The following PPM1A variants were observed in gnomAD, a reference collection of about 807,000 sequenced individuals.
The protein encoded by PPM1A is protein phosphatase, Mg2+/Mn2+ dependent 1A, also known as protein phosphatase 1A.
PPM1A carries 7 observed loss-of-function variants against 35.0 expected under a neutral mutation model. The observed-to-expected ratio is 0.20, with a 90% CI of 0.11 to 0.38. The LOEUF is 0.38. PPM1A is among the 10% of genes least tolerant of loss of function. The pLI is 1.00. For missense variants in PPM1A, 239 were observed against 467.8 expected (o/e 0.51, Z 4.51); for synonymous variants, 153 against 167.3 (o/e 0.91, Z 0.66).
At chr14:60,247,232 A>C (rs1381609727), upstream of PPM1A, among the ~76,000 whole-genome samples, 1 of 152,114 alleles carries the variant, frequency 6.6e-6, no homozygotes, top group African/African-American at 2.4e-5. Context: ...GGTCGGGGAG[A>C]TATGTGGAGA....
Position 60,292,657 on chromosome 14 carries a change from T to G in PPM1A, c.*175T>G. 2.3e-6 allele frequency: 1 copy of G among 430,448 alleles called. No individual in the cohort carries two copies. Among genetic ancestry groups the G allele is most frequent in the Non-Finnish European group, 4.0e-6 (1 of 250,104 alleles). 26.7% of individuals were successfully genotyped at this position (430,448 alleles called of 1,614,324 possible). A position where few individuals can be genotyped will look rare whatever the true frequency, so the allele number is the denominator to read the frequency against. ...CAGCTAGCCCAGAACTGATTTTTTT[T>G]TTTTTTTTTGTAAATTTGAGACTTA... On this transcript the variant is annotated 3_prime_UTR_variant, in exon 6 of 6. Transcript: ENST00000395076. The surrounding 1 kb of genome is among the most constrained non-coding windows in gnomAD (Gnocchi z 4.2).
rs1362763270 is a variant in PPM1A, at chr14:60,298,432, T to TA, written c.*5952dup. 6.6e-6 allele frequency: 1 copy of TA among 151,760 alleles called. No individual in the cohort carries two copies. The highest frequency in any genetic ancestry group is 2.4e-5 in the African/African-American group (1 of 41,408). 9.4% of individuals were successfully genotyped at this position (151,760 alleles called of 1,614,324 possible). ...GACAACCACCACCAATGCACACAGT[T>TA]AATGAGATTTCTAAAATATAATAAG... On this transcript the variant is annotated 3_prime_UTR_variant, in exon 6 of 6. Coordinates refer to ENST00000395076, the MANE Select transcript of PPM1A (RefSeq NM_021003.5).
At chr14:60,256,258 A>C (rs1252950648) in intron 1 of PPM1A, among the ~76,000 whole-genome samples, 1 of 152,018 alleles carries the variant, frequency 6.6e-6, no homozygotes, top group Non-Finnish European at 1.5e-5. Context: ...GTCTCTACTA[A>C]AATACAAAAA....
chr14:60,262,709 C>G (rs1385018172), intron 1 of PPM1A, among the ~76,000 whole-genome samples: 1 of 151,896 alleles, frequency 6.6e-6, no homozygotes, highest in Non-Finnish European at 1.5e-5. Context: ...ACAAAAAAAC[C>G]CTTCTACCTC....
chr14:60,284,134 G>A (rs956858658), intron 2 of PPM1A, among the ~76,000 whole-genome samples: 3 of 152,164 alleles, frequency 2.0e-5, no homozygotes, highest in African/African-American at 7.2e-5. Flanking sequence ...CTTGTCTCAT[G>A]GCGTTGTCAG....
chr14:60,289,258 G>A lies in PPM1A; in HGVS notation c.953-548G>A, dbSNP rs1887367795. Among the ~76,000 whole-genome samples the A allele has an allele frequency of 6.6e-6, 1 of 152,080 alleles. No homozygotes were observed. The highest frequency in any genetic ancestry group is 1.5e-5 in the Non-Finnish European group (1 of 67,964). Reference sequence around the variant, plus strand: ...TTTAGAGAAGAATTAAACTGAGACAGTGATGTTCAAGTACATAATCTGTGC... The same window carrying A: ...TTTAGAGAAGAATTAAACTGAGACAATGATGTTCAAGTACATAATCTGTGC... On this transcript the variant is annotated intron_variant, in intron 3 of 5. Transcript: ENST00000395076. This position sits in a 1 kb window ranked among gnomAD's most constrained non-coding sequence, Gnocchi z 4.1.
chr14:60,291,142 A>G (rs1226068615), intron 4 of PPM1A, among the ~76,000 whole-genome samples: 1 of 151,846 alleles, frequency 6.6e-6, no homozygotes, highest in Admixed American at 6.6e-5. Context: ...CTTTTTTTTT[A>G]ATCTGTAATT....
At chr14:60,246,224 G>C (rs1436601359), upstream of PPM1A, among the ~76,000 whole-genome samples, 1 of 152,134 alleles carries the variant, frequency 6.6e-6, no homozygotes, top group Non-Finnish European at 1.5e-5. Flanking sequence ...TGCCTCAAGG[G>C]TGACTCTCCT....
intron 1 of PPM1A, among the ~76,000 whole-genome samples, chr14:60,278,806 G>A (rs1389641903): frequency 6.6e-6 from 1 of 152,104 alleles, no homozygotes; most frequent in Non-Finnish European, 1.5e-5. Context: ...TTGTTTTTTA[G>A]GAATATCTGT....
At chr14:60,247,370 C>A (rs1370844153), upstream of PPM1A, among the ~76,000 whole-genome samples, 1 of 152,088 alleles carries the variant, frequency 6.6e-6, no homozygotes, top group East Asian at 1.9e-4. Flanking sequence ...TGGCTCACGA[C>A]TGTAATCCCA....
chr14:60,298,657 T>C lies in PPM1A; in HGVS notation c.*6175T>C, dbSNP rs1396027912. The stretch of plus-strand genomic sequence containing the variant: ...CCCCAATAGTGATTGATTTCACTCT[T>C]GAAATGAGTTATATCACTTAATTTG... On this transcript the variant is annotated 3_prime_UTR_variant, in exon 6 of 6. Coordinates refer to ENST00000395076, the MANE Select transcript of PPM1A (RefSeq NM_021003.5). 1 of 151,942 alleles carries C rather than the reference T, an allele frequency of 6.6e-6. No homozygotes were observed. The highest frequency in any genetic ancestry group is 1.9e-4 in the East Asian group (1 of 5,188). The allele number at this position is 151,942 out of a possible 1,614,324, so 9.4% of individuals were successfully genotyped here.
At chr14:60,245,947 G>A (rs779637222), upstream of PPM1A, 61 of 1,578,810 alleles carry the variant, frequency 3.9e-5, no homozygotes, top group Admixed American at 1.9e-4. The surrounding 1 kb of genome is among the most constrained non-coding windows in gnomAD (Gnocchi z 4.2). Flanking sequence ...GGCAAAGAAG[G>A]CAAAAAGAGA....
chr14:60,283,123 T>C lies in PPM1A; in HGVS notation c.420T>C (p.Tyr140=), dbSNP rs1338340463. 5 of 1,614,104 alleles carry C rather than the reference T, an allele frequency of 3.1e-6. No individual in the cohort carries two copies. The African/African-American group carries it at 6.7e-5, about 22-fold the overall frequency. ...VGVLISPQHT[Y]FINCGDSRGL... ...TCTTAATTTCTCCCCAACATACTTATTTCATTAACTGTGGAGACTCAAGAG... is the reference window on the plus strand; with the variant it reads ...TCTTAATTTCTCCCCAACATACTTACTTCATTAACTGTGGAGACTCAAGAG... The change falls in exon 2 of 6, where the codon TAT becomes TAC. Residue 140 remains tyrosine, a synonymous_variant. Coordinates refer to ENST00000395076, the MANE Select transcript of PPM1A (RefSeq NM_021003.5). This position sits in a 1 kb window ranked among gnomAD's most constrained non-coding sequence, Gnocchi z 6.3.
At chr14:60,267,911 T>C (rs926119142) in intron 1 of PPM1A, among the ~76,000 whole-genome samples, 1 of 152,168 alleles carries the variant, frequency 6.6e-6, no homozygotes, top group Admixed American at 6.5e-5. Flanking sequence ...AGACTCAGTA[T>C]GGACATCATG....
At chr14:60,274,711 A>G (rs1885547897) in intron 1 of PPM1A, among the ~76,000 whole-genome samples, 1 of 96,662 alleles carries the variant, frequency 1.0e-5, no homozygotes, top group African/African-American at 4.9e-5. Context: ...TGTAGTATCC[A>G]ATCTGCCATT....
intron 1 of PPM1A, among the ~76,000 whole-genome samples, chr14:60,262,429 A>C (rs1223751142): frequency 2.6e-5 from 4 of 152,234 alleles, no homozygotes; most frequent in African/African-American, 9.6e-5. Context: ...CAAGCCTGTA[A>C]TCCCAGCATT....
intron 4 of PPM1A, among the ~76,000 whole-genome samples, 179 bp from the exon 5 acceptor site, chr14:60,291,218 T>C (rs1244315710): frequency 6.6e-6 from 1 of 152,096 alleles, no homozygotes; most frequent in Admixed American, 6.6e-5. Context: ...TCACCTCTGC[T>C]TTAACATAGG....
Position 60,260,034 on chromosome 14 carries a change from G to T in PPM1A, c.-21+10357G>T, listed in dbSNP as rs77623044. On this transcript the variant is annotated intron_variant, in intron 1 of 5. Transcript: ENST00000395076. ...AGGTGTGTTCACTTGCACTTTGTGAGATTGAAACTGCTGCCATTATCTGTG... is the reference window on the plus strand; with the variant it reads ...AGGTGTGTTCACTTGCACTTTGTGATATTGAAACTGCTGCCATTATCTGTG... Among the ~76,000 whole-genome samples, 100 of 152,220 alleles carry T rather than the reference G, an allele frequency of 6.6e-4. 1 individual carries two copies. In the East Asian group the frequency reaches 0.017, roughly 26 times the overall value.
chr14:60,268,701 C>A (rs1238023622), intron 1 of PPM1A, among the ~76,000 whole-genome samples: 1 of 150,588 alleles, frequency 6.6e-6, no homozygotes, highest in African/African-American at 2.4e-5. Flanking sequence ...CTATTGCTGG[C>A]TTAAAGGTGA....
Sources: gnomAD v4.1 joint callset for allele counts (sites outside exome capture counted in the v4.1 genomes callset) on GRCh38, gnomAD v4.1.1 for gene constraint, Gnocchi (gnomAD v3.1) non-coding constraint, MANE v1.5 for transcripts, NCBI Gene and HGNC (gene_info 2026-07-23, HGNC 2026-07-21) for gene names.